DPF2: variants seen among roughly 807,000 people sequenced by gnomAD.
DPF2 encodes the protein zinc finger protein ubi-d4.
A neutral mutation model predicts 59.6 loss-of-function variants in DPF2; 10 were observed. The observed-to-expected ratio is 0.17, with a 90% CI of 0.10 to 0.28. The LOEUF is 0.28. Ranked by LOEUF, DPF2 falls within the 10% of genes least tolerant of loss-of-function variation. The pLI is 1.00. For missense variants in DPF2, 315 were observed against 509.4 expected (o/e 0.62, Z 3.67); for synonymous variants, 189 against 190.6 (o/e 0.99, Z 0.07).
chr11:65,339,423 G>A (rs541219667), intron 1 of DPF2, among the ~76,000 whole-genome samples: 162 of 152,176 alleles, frequency 1.1e-3, no homozygotes, highest in Non-Finnish European at 2.0e-3. Context: ...ATTTACCCTT[G>A]ATTCAGATTT....
At chr11:65,341,762 A>G (rs629710) in intron 4 of DPF2, 200 bp downstream of exon 4, 2 of 603,216 alleles carry the variant, frequency 3.3e-6, no homozygotes, top group African/African-American at 3.7e-5. Context: ...ACTCTCATTC[A>G]TTCACTTTTA....
Position 65,345,982 on chromosome 11 carries a change from C to T in DPF2, c.828C>T (p.Cys276=). Residue 276 remains cysteine, a synonymous_variant, in exon 8 of 11, where the codon TGC becomes TGT. Transcript: ENST00000528416. Reference sequence around the variant, plus strand: ...TGCCCAACAACTACTGTGACTTCTGCCTGGGGGACTCAAAGATTAACAAGA... The same window carrying T: ...TGCCCAACAACTACTGTGACTTCTGTCTGGGGGACTCAAAGATTAACAAGA... The part of the protein sequence containing the change: ...LALPNNYCDF[C]LGDSKINKKT... The T allele has an allele frequency of 1.2e-6, 2 of 1,614,178 alleles. No individual in the cohort carries two copies. The highest frequency in any genetic ancestry group is 2.2e-5 in the South Asian group (2 of 91,080).
In DPF2 at chr11:65,344,610, C is replaced by T. The variant is rs539873389; in HGVS notation, c.637+541C>T. ...TTCAAACAAAAGCATACCTCGAAAG[C>T]GCCCCAGAGAGGTAGCTCTCTCAAC... is the stretch of plus-strand genomic sequence containing the variant. On this transcript the variant is annotated intron_variant, in intron 6 of 10. Transcript: ENST00000528416. 11 of 1,535,996 alleles carry T rather than the reference C, an allele frequency of 7.2e-6. No individual in the cohort carries two copies. The highest frequency in any genetic ancestry group is 2.4e-5 in the East Asian group (1 of 40,912).
chr11:65,343,299 CAAAAAA>C (rs529933254), intron 4 of DPF2, among the ~76,000 whole-genome samples: 2 of 58,024 alleles, frequency 3.4e-5, no homozygotes, highest in Non-Finnish European at 6.1e-5. Context: ...AACTCTGTCT[CAAAAAA>C]AAAAAAAAAA....
chr11:65,336,327 A>G (rs961312257), intron 1 of DPF2, among the ~76,000 whole-genome samples: 2 of 150,268 alleles, frequency 1.3e-5, no homozygotes, highest in Non-Finnish European at 3.0e-5. Flanking sequence ...CCTCATCTCT[A>G]CTAAAACTAT....
rs1377443530 is a variant in DPF2 at position 65,333,917 on chromosome 11, C to T, written c.31C>T (p.Leu11Phe). The change falls in exon 1 of 11, where the codon CTC becomes TTC. Residue 11 changes from leucine to phenylalanine, a missense_variant and splice_region_variant. Leu to Phe is a conservative substitution (Grantham distance 22). This residue lies in a region of DPF2 where 228 missense variants were observed against 275.3 expected (regional missense o/e 0.83). Transcript: ENST00000528416. MAAVVENVVK[L>F]LGEQYYKDAM... ...GGCTGTGGTGGAGAATGTAGTGAAG[C>T]TGTGAGTGGTCGTTTCTTTCTCTCC... is the stretch of plus-strand genomic sequence containing the variant. The T allele has an allele frequency of 3.1e-6, 5 of 1,613,832 alleles. No individual in the cohort carries two copies. The South Asian group carries it at 5.5e-5, about 18-fold the overall frequency.
intron 4 of DPF2, 166 bp downstream of exon 4, chr11:65,341,728 C>A: frequency 2.3e-6 from 2 of 870,572 alleles, no homozygotes; most frequent in South Asian, 2.0e-5. Context: ...TACTGACTGG[C>A]TTCTCTGTTG....
At position 65,351,876 on chromosome 11, in the gene DPF2, G is replaced by T; in HGVS notation, c.*117G>T. 1 of 1,230,032 alleles carries T rather than the reference G, an allele frequency of 8.1e-7. No homozygotes were observed. Among genetic ancestry groups the T allele is most frequent in the Non-Finnish European group, 1.1e-6 (1 of 871,706 alleles). 76.2% of individuals were successfully genotyped at this position (1,230,032 alleles called of 1,614,324 possible). A position where few individuals can be genotyped will look rare whatever the true frequency, so the allele number is the denominator to read the frequency against. On this transcript the variant is annotated 3_prime_UTR_variant, in exon 11 of 11. Coordinates refer to ENST00000528416, the MANE Select transcript of DPF2 (RefSeq NM_006268.5). ...CTTCACAAATCCAGAGAACCTTGGG[G>T]TGGTTGTGCCAGCCTGCCTTTGGCA... is the stretch of plus-strand genomic sequence containing the variant.
chr11:65,345,189 C>T (rs1854493095), intron 6 of DPF2: 2 of 171,704 alleles, frequency 1.2e-5, no homozygotes, highest in Admixed American at 5.6e-5. Flanking sequence ...TGCTTGTTTA[C>T]CCACATTCAG....
chr11:65,341,259 G>A (rs1854362285), intron 3 of DPF2, 140 bp from the exon 4 acceptor site: 3 of 1,334,198 alleles, frequency 2.2e-6, no homozygotes, highest in Non-Finnish European at 2.1e-6. Flanking sequence ...GGTGCCAAGT[G>A]AACTAGGGTG....
At chr11:65,346,521 C>G in intron 9 of DPF2, 162 bp downstream of exon 9, 1 of 628,296 alleles carries the variant, frequency 1.6e-6, no homozygotes, top group Non-Finnish European at 2.8e-6. Context: ...GATTTGTTGC[C>G]AGATATATAT....
intron 1 of DPF2, among the ~76,000 whole-genome samples, chr11:65,336,750 C>T (rs1404906436): frequency 1.4e-5 from 2 of 142,414 alleles, no homozygotes; most frequent in African/African-American, 5.3e-5. Context: ...GATCGCACCA[C>T]TGCACTCCAG....
chr11:65,347,477 A>T (rs1325578079), intron 9 of DPF2: 1 of 150,596 alleles, frequency 6.6e-6, no homozygotes, highest in Non-Finnish European at 1.5e-5. Flanking sequence ...GGGACCACAG[A>T]TGCACACCAC....
At chr11:65,342,315 T>C (rs147467395) in intron 4 of DPF2, among the ~76,000 whole-genome samples, 3,101 of 151,776 alleles carry the variant, frequency 0.02, 125 homozygotes, top group African/African-American at 0.07. Context: ...CTGGGCATGG[T>C]GGCACACGCC....
At chr11:65,334,324 C>T (rs1168180021) in intron 1 of DPF2, among the ~76,000 whole-genome samples, 1 of 151,696 alleles carries the variant, frequency 6.6e-6, no homozygotes, top group African/African-American at 2.4e-5. Context: ...CCCGTCCCGT[C>T]CCGTTCGCTG....
chr11:65,337,499 A>G (rs1854217336), intron 1 of DPF2, among the ~76,000 whole-genome samples: 1 of 68,468 alleles, frequency 1.5e-5, no homozygotes, highest in Non-Finnish European at 2.7e-5. Context: ...ATATATATAT[A>G]TATATAGAGA....
intron 10 of DPF2, among the ~76,000 whole-genome samples, chr11:65,350,275 C>T (rs1051199564): frequency 6.6e-6 from 1 of 151,914 alleles, no homozygotes; most frequent in South Asian, 2.1e-4. Context: ...CAGCAAGCTA[C>T]AAGCTAAAAC....
chr11:65,343,038 G>A (rs1168744083), intron 4 of DPF2, among the ~76,000 whole-genome samples: 1 of 150,064 alleles, frequency 6.7e-6, no homozygotes, highest in Non-Finnish European at 1.5e-5. Flanking sequence ...GGTGGCTGAC[G>A]CCTGTAATCC....
At position 65,352,254 on chromosome 11, in the gene DPF2, C is replaced by T; in HGVS notation, c.*495C>T. 1 of 164,538 alleles carries T rather than the reference C, an allele frequency of 6.1e-6. No individual in the cohort carries two copies. Among genetic ancestry groups the T allele is most frequent in the Middle Eastern group, 3.1e-3 (1 of 324 alleles). 10.2% of individuals were successfully genotyped at this position (164,538 alleles called of 1,614,324 possible). On this transcript the variant is annotated 3_prime_UTR_variant, in exon 11 of 11. Coordinates refer to ENST00000528416, the MANE Select transcript of DPF2 (RefSeq NM_006268.5). ...TGTGCCGCATAGCCTCACCTCTTTC[C>T]TCCAGAGTGGCTCTCTGCGGCCCTG... is the stretch of plus-strand genomic sequence containing the variant.
Sources: allele counts gnomAD v4.1 joint callset (sites outside exome capture counted in the v4.1 genomes callset), GRCh38; gene constraint gnomAD v4.1.1; regional missense constraint gnomAD v4.1.1; transcripts MANE v1.5; gene names NCBI Gene and HGNC (gene_info 2026-07-23, HGNC 2026-07-21).